The following AFF3 variants were observed in gnomAD, a reference collection of about 807,000 sequenced individuals.
AFF3 encodes the protein ALF transcription elongation factor 3, also known as AF4/FMR2 family member 3.
A neutral mutation model predicts 129.7 loss-of-function variants in AFF3; 32 were observed. That is an observed-to-expected ratio of 0.25 (90% CI 0.19 to 0.33). AFF3 has a LOEUF of 0.33. Among genes scored for constraint, AFF3 ranks in the 10% least tolerant of loss-of-function variants. AFF3 has a pLI of 1.00. For missense variants in AFF3, 1,373 were observed against 1,592.0 expected (o/e 0.86, Z 2.34); for synonymous variants, 644 against 635.4 (o/e 1.01, Z -0.20).
At chr2:99,940,981 G>A (rs58682095) in intron 7 of AFF3, among the ~76,000 whole-genome samples, 2,021 of 152,172 alleles carry the variant, frequency 0.013, 57 homozygotes, top group African/African-American at 0.046. Flanking sequence ...CCACCTGTCT[G>A]GTGCAGCACT....
At chr2:99,844,899 G>T (rs1689613937) in intron 7 of AFF3, among the ~76,000 whole-genome samples, 1 of 151,668 alleles carries the variant, frequency 6.6e-6, no homozygotes, top group Non-Finnish European at 1.5e-5. Context: ...AGAGAACTCA[G>T]TACAACAGAG....
chr2:99,719,070 T>C (rs974835751), intron 11 of AFF3, among the ~76,000 whole-genome samples: 4 of 150,004 alleles, frequency 2.7e-5, no homozygotes, highest in Admixed American at 1.3e-4. Flanking sequence ...TTTTTTTTTT[T>C]CCTGATGGCC....
intron 7 of AFF3, among the ~76,000 whole-genome samples, chr2:99,919,646 T>TC (rs1295134797): frequency 2.0e-5 from 3 of 152,130 alleles, no homozygotes; most frequent in African/African-American, 7.2e-5. Context: ...AACTGGTAGT[T>TC]CCTTTAAGAC....
intron 7 of AFF3, among the ~76,000 whole-genome samples, chr2:99,878,684 A>T (rs1394498090): frequency 1.3e-5 from 2 of 152,230 alleles, no homozygotes; most frequent in Non-Finnish European, 2.9e-5. Flanking sequence ...AGACATTTCC[A>T]TCAATTCCCT....
At chr2:99,697,988 T>A (rs543311883) in intron 11 of AFF3, among the ~76,000 whole-genome samples, 4 of 152,342 alleles carry the variant, frequency 2.6e-5, no homozygotes, top group African/African-American at 4.8e-5. Context: ...TTTGTTTTTT[T>A]TCCTTTAAAA....
rs189836463 is a variant in AFF3, at chr2:99,973,500, T to C, written c.873+33132A>G. On this transcript the variant is annotated intron_variant, in intron 7 of 24. Coordinates refer to ENST00000672756, the MANE Select transcript of AFF3 (RefSeq NM_001386135.1). ...AGATTCAGATTACCCCTAAGACAGA[T>C]GGTTATGGTTTATTCCGTTTTGTGC... 7.3e-4 allele frequency among the ~76,000 whole-genome samples: 111 copies of C among 152,304 alleles called. 4 individuals carry two copies. In the East Asian group the frequency reaches 0.013, roughly 17 times the overall value.
At chr2:99,608,002 T>C (rs527843358) in intron 13 of AFF3, among the ~76,000 whole-genome samples, 1 of 152,228 alleles carries the variant, frequency 6.6e-6, no homozygotes, top group Non-Finnish European at 1.5e-5. Flanking sequence ...GTTGCTTCTA[T>C]CCTGAAATGT....
chr2:99,838,141 T>G (rs1035463397), intron 7 of AFF3, among the ~76,000 whole-genome samples: 33 of 152,148 alleles, frequency 2.2e-4, no homozygotes, highest in African/African-American at 7.7e-4. Flanking sequence ...CGAGGTGCAG[T>G]GGCTTCAGGT....
intron 16 of AFF3, 123 bp downstream of exon 16, chr2:99,587,031 G>A (rs1410271154): frequency 2.1e-5 from 28 of 1,327,060 alleles, no homozygotes; most frequent in Non-Finnish European, 2.7e-5. Context: ...AAGGAGGGAA[G>A]CAAGTCTGCA....
At chr2:99,954,618 G>A (rs897196506) in intron 7 of AFF3, among the ~76,000 whole-genome samples, 4 of 151,850 alleles carry the variant, frequency 2.6e-5, no homozygotes, top group East Asian at 1.9e-4. Flanking sequence ...CTTTGTAGGG[G>A]CATGGATGAA....
chr2:99,910,114 A>G (rs1695011768), intron 7 of AFF3, among the ~76,000 whole-genome samples: 1 of 152,220 alleles, frequency 6.6e-6, no homozygotes. Flanking sequence ...ATTTGGATTG[A>G]AAAGAGCATT....
intron 11 of AFF3, among the ~76,000 whole-genome samples, chr2:99,674,876 T>C (rs182351706): frequency 6.6e-6 from 1 of 152,310 alleles, no homozygotes; most frequent in East Asian, 1.9e-4. Context: ...ACGGTCAAAA[T>C]GCTGCTGTGT....
At chr2:99,882,811 G>C (rs1692821489) in intron 7 of AFF3, among the ~76,000 whole-genome samples, 1 of 152,200 alleles carries the variant, frequency 6.6e-6, no homozygotes, top group African/African-American at 2.4e-5. Context: ...TGGGCCCAAG[G>C]CATGGCCCTA....
chr2:99,625,500 G>A (rs1367071999), intron 13 of AFF3, among the ~76,000 whole-genome samples: 5 of 152,194 alleles, frequency 3.3e-5, no homozygotes, highest in Non-Finnish European at 7.3e-5. Flanking sequence ...GTTGTGTATG[G>A]ATTACTTAAG....
chr2:99,812,610 T>G (rs1490681845), intron 8 of AFF3, among the ~76,000 whole-genome samples: 1 of 152,182 alleles, frequency 6.6e-6, no homozygotes, highest in Admixed American at 6.5e-5. Flanking sequence ...GGAAGTCGAG[T>G]GTGACTCCCT....
At chr2:99,625,420 C>A (rs1355009270) in intron 13 of AFF3, among the ~76,000 whole-genome samples, 1 of 152,096 alleles carries the variant, frequency 6.6e-6, no homozygotes, top group African/African-American at 2.4e-5. Context: ...CTTTCTTATC[C>A]ATCCAACATA....
At chr2:99,553,917 C>CAAAAAAAAAAAAAAAAAAA (rs1674649199) in intron 24 of AFF3, among the ~76,000 whole-genome samples, 2 of 72,452 alleles carry the variant, frequency 2.8e-5, no homozygotes, top group Non-Finnish European at 4.8e-5. Context: ...CTGTCTCAAA[C>CAAAAAAAAAAAAAAAAAAA]CAAAAAAAAA....
At chr2:100,014,870 G>C (rs1682868797) in intron 4 of AFF3, among the ~76,000 whole-genome samples, 1 of 142,594 alleles carries the variant, frequency 7.0e-6, no homozygotes, top group East Asian at 2.0e-4. Context: ...TGCAACCTCC[G>C]CCTCCCAGGT....
At chr2:100,045,890 T>G (rs566077652) in intron 4 of AFF3, among the ~76,000 whole-genome samples, 3 of 152,360 alleles carry the variant, frequency 2.0e-5, no homozygotes, top group African/African-American at 7.2e-5. Context: ...AAATGCATGT[T>G]AATCAACTGT....
Sources: gnomAD v4.1 joint callset for allele counts (sites outside exome capture counted in the v4.1 genomes callset) on GRCh38, gnomAD v4.1.1 for gene constraint, MANE v1.5 for transcripts, NCBI Gene and HGNC (gene_info 2026-07-23, HGNC 2026-07-21) for gene names.